Variants in OXR1 observed in about 807,000 individuals in gnomAD.
OXR1 encodes oxidation resistance protein 1.
In OXR1, 41 loss-of-function variants were observed where a neutral mutation model predicts 104.6. The observed-to-expected ratio is 0.39, with a 90% CI of 0.31 to 0.51. The LOEUF (loss-of-function observed/expected upper bound fraction) is 0.51. Among genes scored for constraint, OXR1 ranks in the 20% least tolerant of loss-of-function variants. OXR1 has a pLI of 0.77. For synonymous variants in OXR1, 348 were observed against 348.4 expected, an observed-to-expected ratio of 1.00 and a Z score of 0.01; for missense variants, 955 against 1,031.9, an observed-to-expected ratio of 0.93 and a Z score of 1.02.
intron 11 of OXR1, among the ~76,000 whole-genome samples, chr8:106,728,539 C>A (rs1833566662): frequency 6.6e-6 from 1 of 152,158 alleles, no homozygotes; most frequent in South Asian, 2.1e-4. Flanking sequence ...GCAGCATACA[C>A]TCCTAACAAA....
At chr8:106,595,790 C>T (rs538950455) in intron 3 of OXR1, among the ~76,000 whole-genome samples, 1 of 151,984 alleles carries the variant, frequency 6.6e-6, no homozygotes, top group Non-Finnish European at 1.5e-5. Context: ...ACTCCTAGAG[C>T]AGTATTCAAA....
chr8:106,577,378 C>CTTTTTT (rs5893798), intron 3 of OXR1, among the ~76,000 whole-genome samples: 10 of 43,604 alleles, frequency 2.3e-4, no homozygotes, highest in East Asian at 8.0e-4. Context: ...GCCCAGCTAA[C>CTTTTTT]TTTTTTTTTT....
chr8:106,367,270 A>G (rs939611671), intron 2 of OXR1, among the ~76,000 whole-genome samples: 1 of 151,764 alleles, frequency 6.6e-6, no homozygotes, highest in Non-Finnish European at 1.5e-5. Flanking sequence ...TCACTGTGTT[A>G]GCCAGGACAG....
At chr8:106,411,489 T>C (rs1818454435) in intron 2 of OXR1, among the ~76,000 whole-genome samples, 1 of 152,188 alleles carries the variant, frequency 6.6e-6, no homozygotes, top group Admixed American at 6.6e-5. Flanking sequence ...TCTGGTATCG[T>C]GGAGGAGACA....
intron 2 of OXR1, among the ~76,000 whole-genome samples, chr8:106,393,446 A>C (rs1041290581): frequency 6.6e-6 from 1 of 152,188 alleles, no homozygotes; most frequent in Non-Finnish European, 1.5e-5. Flanking sequence ...TACATAATGA[A>C]TAAAAGTAGA....
intron 2 of OXR1, among the ~76,000 whole-genome samples, chr8:106,444,110 A>T (rs1481431472): frequency 6.6e-6 from 1 of 152,214 alleles, no homozygotes; most frequent in Non-Finnish European, 1.5e-5. Context: ...ATGACTGATC[A>T]TCAGAGAAAT....
chr8:106,555,697 G>A (rs144881747), intron 3 of OXR1, among the ~76,000 whole-genome samples: 165 of 151,990 alleles, frequency 1.1e-3, no homozygotes, highest in African/African-American at 3.6e-3. Flanking sequence ...CATTCCAGTG[G>A]TAGAGGGATA....
At chr8:106,331,658 G>A (rs1431113881) in intron 1 of OXR1, among the ~76,000 whole-genome samples, 1 of 152,036 alleles carries the variant, frequency 6.6e-6, no homozygotes, top group Non-Finnish European at 1.5e-5. Context: ...ATTCTTTTGA[G>A]GCCAGGTGCG....
intron 2 of OXR1, among the ~76,000 whole-genome samples, chr8:106,430,450 T>G (rs1819318068): frequency 6.6e-6 from 1 of 152,174 alleles, no homozygotes; most frequent in Non-Finnish European, 1.5e-5. Context: ...GAAGAAAAGT[T>G]CATTGATTTT....
chr8:106,559,407 G>A (rs1408411909), intron 3 of OXR1, among the ~76,000 whole-genome samples: 2 of 152,024 alleles, frequency 1.3e-5, no homozygotes, highest in Non-Finnish European at 2.9e-5. Flanking sequence ...CTATTTTCCT[G>A]GTAATGTACA....
At chr8:106,303,843 T>C (rs1313972314) in intron 1 of OXR1, among the ~76,000 whole-genome samples, 1 of 152,220 alleles carries the variant, frequency 6.6e-6, no homozygotes, top group Non-Finnish European at 1.5e-5. Context: ...AGTGATTTAA[T>C]AAGTATCATA....
intron 3 of OXR1, among the ~76,000 whole-genome samples, chr8:106,553,791 C>T (rs539715590): frequency 1.3e-5 from 2 of 152,260 alleles, no homozygotes; most frequent in African/African-American, 4.8e-5. Flanking sequence ...CAAGTAGCAT[C>T]GCTTCCAGGA....
At chr8:106,280,715 C>T (rs1027254269) in intron 1 of OXR1, among the ~76,000 whole-genome samples, 1 of 151,934 alleles carries the variant, frequency 6.6e-6, no homozygotes, top group Non-Finnish European at 1.5e-5. Flanking sequence ...CACTTAAAAA[C>T]GGTTCACATG....
At chr8:106,356,642 A>AT (rs1208789866) in intron 1 of OXR1, among the ~76,000 whole-genome samples, 2 of 151,970 alleles carry the variant, frequency 1.3e-5, no homozygotes, top group African/African-American at 4.8e-5. Context: ...TTTTATGTGT[A>AT]TTTACATTAA....
At chr8:106,556,179 G>C (rs1816269878) in intron 3 of OXR1, among the ~76,000 whole-genome samples, 1 of 152,022 alleles carries the variant, frequency 6.6e-6, no homozygotes, top group Non-Finnish European at 1.5e-5. Flanking sequence ...TAATGGATAT[G>C]ATACTTCCTT....
At chr8:106,740,271 C>A in intron 13 of OXR1, 72 bp from the exon 14 acceptor site, 1 of 1,146,682 alleles carries the variant, frequency 8.7e-7, no homozygotes, top group Non-Finnish European at 1.3e-6. Flanking sequence ...CCATTACATT[C>A]CAGCTGGCAT....
chr8:106,366,633 A>G (rs1231821177), intron 2 of OXR1, among the ~76,000 whole-genome samples: 1 of 152,088 alleles, frequency 6.6e-6, no homozygotes, highest in Non-Finnish European at 1.5e-5. Flanking sequence ...AATTTTTTTT[A>G]AAAGGAGAAC....
At chr8:106,663,220 C>T (rs1825945206) in intron 3 of OXR1, among the ~76,000 whole-genome samples, 2 of 152,056 alleles carry the variant, frequency 1.3e-5, no homozygotes, top group South Asian at 4.1e-4. Context: ...TATTATTATC[C>T]TATTTTCCTT....
intron 3 of OXR1, among the ~76,000 whole-genome samples, chr8:106,677,083 A>C (rs1315425318): frequency 6.6e-6 from 1 of 152,126 alleles, no homozygotes; most frequent in Non-Finnish European, 1.5e-5. Context: ...CAAAGTAAAT[A>C]CAAACTAACG....
Sources: allele counts gnomAD v4.1 joint callset (sites outside exome capture counted in the v4.1 genomes callset), GRCh38; gene constraint gnomAD v4.1.1; transcripts MANE v1.5; gene names NCBI Gene and HGNC (gene_info 2026-07-23, HGNC 2026-07-21).